The following POC1B variants were observed in gnomAD, a reference collection of about 807,000 sequenced individuals.
POC1B encodes POC1 centriolar protein B.
POC1B carries 44 observed loss-of-function variants against 60.6 expected under a neutral mutation model. That is an observed-to-expected ratio of 0.73 (90% CI 0.57 to 0.93). The LOEUF (loss-of-function observed/expected upper bound fraction) is 0.93, where lower values mean the gene tolerates loss of function less well. Among genes scored for constraint, POC1B ranks in the 40% least tolerant of loss-of-function variants. The pLI, the probability that POC1B is intolerant of heterozygous loss-of-function variation, is 0.00. For missense variants in POC1B, 555 were observed against 572.3 expected, an observed-to-expected ratio of 0.97 and a Z score of 0.31; for synonymous variants, 180 against 198.9, an observed-to-expected ratio of 0.90 and a Z score of 0.80.
chr12:89,502,388 G>T (rs1447102662), intron 2 of POC1B: 5 of 1,575,532 alleles, frequency 3.2e-6, no homozygotes, highest in African/African-American at 1.3e-5. Flanking sequence ...GATTATCAAG[G>T]AAGGCCATCA....
At chr12:89,502,070 C>T (rs1274507010) in intron 2 of POC1B, 1 of 1,017,280 alleles carries the variant, frequency 9.8e-7, no homozygotes, top group Non-Finnish European at 1.6e-6. Flanking sequence ...CCCCTAAAGC[C>T]TCAGACCAGT....
chr12:89,491,116 C>T (rs1335601892), intron 4 of POC1B, among the ~76,000 whole-genome samples: 3 of 152,134 alleles, frequency 2.0e-5, no homozygotes, highest in African/African-American at 7.2e-5. Flanking sequence ...TGGGGCCCCT[C>T]CTACATCCCC....
the POC1B span, among the ~76,000 whole-genome samples, chr12:89,409,868 C>T: frequency 6.6e-6 from 1 of 152,178 alleles, no homozygotes; most frequent in African/African-American, 2.4e-5. Flanking sequence ...CTGAATTCCA[C>T]CTGAGGTACA....
At position 89,420,370 on chromosome 12, in the gene POC1B, A is replaced by C. The variant is rs1357199602; in HGVS notation, c.*783T>G. The C allele has an allele frequency of 6.6e-6, 1 of 152,160 alleles. No individual in the cohort carries two copies. The allele number at this position is 152,160 out of a possible 1,614,324, so 9.4% of individuals were successfully genotyped here. ...TATTTTTAAATATCACTTTTGTATCACTCTGACTTTTTAGCATACTGAAAA... is the reference window on the plus strand; with the variant it reads ...TATTTTTAAATATCACTTTTGTATCCCTCTGACTTTTTAGCATACTGAAAA... On this transcript the variant is annotated 3_prime_UTR_variant, in exon 12 of 12. Coordinates refer to ENST00000313546, the MANE Select transcript of POC1B (RefSeq NM_172240.3).
intron 2 of POC1B, among the ~76,000 whole-genome samples, chr12:89,508,698 G>A (rs897113833): frequency 6.6e-6 from 1 of 152,178 alleles, no homozygotes; most frequent in Non-Finnish European, 1.5e-5. Flanking sequence ...TAATCCATGT[G>A]TTGGGGGAGG....
chr12:89,404,954 G>C, the POC1B span, among the ~76,000 whole-genome samples: 19 of 152,160 alleles, frequency 1.2e-4, no homozygotes, highest in Admixed American at 4.6e-4. Flanking sequence ...CTCACCCCTA[G>C]TATTCGGCAT....
chr12:89,519,119 A>G (rs1473850341), intron 2 of POC1B, among the ~76,000 whole-genome samples: 1 of 152,152 alleles, frequency 6.6e-6, no homozygotes, highest in African/African-American at 2.4e-5. Flanking sequence ...ATTGGTGCTA[A>G]TATGTCCAGG....
chr12:89,464,489 T>C (rs1241686484), intron 9 of POC1B, among the ~76,000 whole-genome samples: 2 of 141,056 alleles, frequency 1.4e-5, no homozygotes, highest in African/African-American at 5.3e-5. Context: ...AAGAGTTTTT[T>C]TTTTTTTTTT....
intron 2 of POC1B, chr12:89,500,050 G>C (rs993347432): frequency 1.1e-5 from 14 of 1,230,128 alleles, no homozygotes; most frequent in Non-Finnish European, 1.5e-5. Context: ...GTCTGTGTGG[G>C]CTTCCACCTC....
intron 10 of POC1B, among the ~76,000 whole-genome samples, chr12:89,445,566 G>A (rs1315546643): frequency 6.6e-6 from 1 of 152,146 alleles, no homozygotes; most frequent in Non-Finnish European, 1.5e-5. Flanking sequence ...GTAGAAAGCT[G>A]AAACTGGATC....
At chr12:89,439,332 C>G (rs368455726) in intron 10 of POC1B, among the ~76,000 whole-genome samples, 33 of 152,306 alleles carry the variant, frequency 2.2e-4, no homozygotes, top group African/African-American at 7.7e-4. Flanking sequence ...CAAGCTCCCC[C>G]ACAGACACAG....
At chr12:89,506,839 A>C (rs1869922698) in intron 2 of POC1B, among the ~76,000 whole-genome samples, 1 of 152,088 alleles carries the variant, frequency 6.6e-6, no homozygotes, top group Non-Finnish European at 1.5e-5. Flanking sequence ...AAAGCTGTGA[A>C]ACTCACTCAT....
intron 1 of POC1B, chr12:89,525,631 G>A (rs1267657843): frequency 1.6e-6 from 2 of 1,279,796 alleles, no homozygotes; most frequent in Non-Finnish European, 2.0e-6. Context: ...GGGGGCCGTG[G>A]GGCCGCCCAG....
At chr12:89,468,929 T>C (rs1249598710) in intron 7 of POC1B, among the ~76,000 whole-genome samples, 1 of 151,976 alleles carries the variant, frequency 6.6e-6, no homozygotes, top group Non-Finnish European at 1.5e-5. Flanking sequence ...TCAGAGAAGT[T>C]TGAATATTGT....
At chr12:89,413,470 A>G in the POC1B span, among the ~76,000 whole-genome samples, 1 of 152,140 alleles carries the variant, frequency 6.6e-6, no homozygotes, top group Admixed American at 6.5e-5. Flanking sequence ...ATGCTGGGAT[A>G]ATAGATGTGA....
chr12:89,454,984 G>T lies in POC1B; in HGVS notation c.1113+4654C>A, dbSNP rs76388155. Among the ~76,000 whole-genome samples the T allele has an allele frequency of 3.9e-4, 59 of 149,548 alleles. No homozygotes were observed. In the East Asian group the frequency reaches 0.01, roughly 26 times the overall value. ...CTTAAAGATTCTAAACTAGACTGATGCATTTTTATTACCATGGTTCATATG... is the reference window on the plus strand; with the variant it reads ...CTTAAAGATTCTAAACTAGACTGATTCATTTTTATTACCATGGTTCATATG... On this transcript the variant is annotated intron_variant, in intron 10 of 11. Coordinates refer to ENST00000313546, the MANE Select transcript of POC1B (RefSeq NM_172240.3).
At chr12:89,514,259 T>A (rs1870328755) in intron 2 of POC1B, among the ~76,000 whole-genome samples, 1 of 152,066 alleles carries the variant, frequency 6.6e-6, no homozygotes, top group South Asian at 2.1e-4. Flanking sequence ...TCTGGCCATG[T>A]AAGATGTGCC....
chr12:89,513,511 T>C (rs1362368303), intron 2 of POC1B, among the ~76,000 whole-genome samples: 2 of 152,234 alleles, frequency 1.3e-5, no homozygotes, highest in Non-Finnish European at 2.9e-5. Context: ...ACTTCTAAAG[T>C]ACAGCTCAGA....
At position 89,500,778 on chromosome 12, in the gene POC1B, G is replaced by T. The variant is rs1869524244; in HGVS notation, c.101-3436C>A. On this transcript the variant is annotated intron_variant, in intron 2 of 11. Transcript: ENST00000313546. The stretch of plus-strand genomic sequence containing the variant: ...GATAGAAATAGATAATAAAGTATCA[G>T]ATAAAGAGGATAAAACATCAGAAGG... 4 of 1,015,482 alleles carry T rather than the reference G, an allele frequency of 3.9e-6. No individual in the cohort carries two copies. The South Asian group carries it at 5.8e-5, about 15-fold the overall frequency. The allele number at this position is 1,015,482 out of a possible 1,614,324, so 62.9% of individuals were successfully genotyped here. A position where few individuals can be genotyped will look rare whatever the true frequency, so the allele number is the denominator to read the frequency against.
Sources: gnomAD v4.1 joint callset for allele counts (sites outside exome capture counted in the v4.1 genomes callset) on GRCh38, gnomAD v4.1.1 for gene constraint, MANE v1.5 for transcripts, NCBI Gene and HGNC (gene_info 2026-07-23, HGNC 2026-07-21) for gene names.